The following AEN variants were observed in gnomAD, a reference collection of about 807,000 sequenced individuals.
The protein encoded by AEN is apoptosis-enhancing nuclease.
Under a neutral mutation model 17.7 loss-of-function variants are expected in AEN, and 21 were observed. That is an observed-to-expected ratio of 1.19 (90% CI 0.84 to 1.71). The LOEUF is 1.71. Ranked by LOEUF, AEN falls within the 40% of genes most tolerant of loss-of-function variation. The pLI, the probability that AEN is intolerant of heterozygous loss-of-function variation, is 0.00. For missense variants in AEN, 462 were observed against 435.9 expected (o/e 1.06, Z -0.53); for synonymous variants, 190 against 173.0 (o/e 1.10, Z -0.77).
chr15:88,623,142 G>A (rs1039380872), intron 1 of AEN, among the ~76,000 whole-genome samples: 6 of 152,182 alleles, frequency 3.9e-5, no homozygotes, highest in Non-Finnish European at 7.3e-5. Flanking sequence ...TTCTCCCATT[G>A]CTGGGCTGAG....
At chr15:88,626,079 A>C (rs1042129299) in intron 1 of AEN, 67 bp from the exon 2 acceptor site, 4 of 895,514 alleles carry the variant, frequency 4.5e-6, no homozygotes, top group Non-Finnish European at 4.4e-6. Context: ...GCAGGGAGGG[A>C]GGGAGGGTGG....
intron 1 of AEN, among the ~76,000 whole-genome samples, chr15:88,622,907 G>T (rs8023799): frequency 0.027 from 4,062 of 152,258 alleles, 113 homozygotes; most frequent in African/African-American, 0.067. Context: ...CAAGGTCAGG[G>T]TGTTTGGAAA....
At chr15:88,619,630 G>T (rs1354118363), upstream of AEN, among the ~76,000 whole-genome samples, 1 of 152,318 alleles carries the variant, frequency 6.6e-6, no homozygotes, top group Middle Eastern at 3.4e-3. Context: ...ACATGTTGCA[G>T]TGAGCCGAGA....
chr15:88,614,014 A>G, the AEN span, among the ~76,000 whole-genome samples: 1 of 152,248 alleles, frequency 6.6e-6, no homozygotes, highest in East Asian at 1.9e-4. Context: ...ATTTAATCCT[A>G]TTTAAATATG....
Position 88,629,291 on chromosome 15 carries a change from C to T in AEN, c.606C>T (p.Leu202=), listed in dbSNP as rs1399356680. The T allele has an allele frequency of 6.2e-7, 1 of 1,614,124 alleles. No homozygotes were observed. The change falls in exon 3 of 4, where the codon CTC becomes CTT. Residue 202 remains leucine, a synonymous_variant. Transcript: ENST00000332810. ...CGCTGCACAACGACTTCCAGGCGCT[C>T]AAGTATGTCCACCCTCGGAGCCAGA... ...GHALHNDFQA[L]KYVHPRSQTR...
rs1461717018 is a variant in AEN, at chr15:88,630,083, T to G, written c.767T>G (p.Val256Gly). The change falls in exon 4 of 4, where the codon GTA becomes GGA. Residue 256 changes from valine (V) to glycine (G), a missense_variant. Coordinates refer to ENST00000332810, the MANE Select transcript of AEN (RefSeq NM_022767.4). The surrounding 1 kb of genome is among the most constrained non-coding windows in gnomAD (Gnocchi z 5.1). ...GTGGGCCAGCACGGGCACTCATCAG[T>G]AGAAGATGCCACGACAGCCATGGAG... ...IQVGQHGHSS[V>G]EDATTAMELY... 1.2e-6 allele frequency: 2 copies of G among 1,613,962 alleles called. No individual in the cohort carries two copies. The highest frequency in any genetic ancestry group is 4.5e-5 in the East Asian group (2 of 44,870).
chr15:88,626,235 C>A lies in AEN; in HGVS notation c.26C>A (p.Ser9Tyr). Residue 9 changes from serine (S) to tyrosine (Y), a missense_variant, in exon 2 of 4, where the codon TCT (serine) becomes TAT (tyrosine). Ser to Tyr is a moderately radical substitution (Grantham distance 144). Coordinates refer to ENST00000332810, the MANE Select transcript of AEN (RefSeq NM_022767.4). The part of the protein sequence containing the change: MVPREAPE[S>Y]AQCLCPSLTI... ...ATGGTACCCCGGGAGGCCCCTGAGT[C>A]TGCTCAGTGCCTGTGCCCTTCCCTC... 1 of 1,601,676 alleles carries A rather than the reference C, an allele frequency of 6.2e-7. No individual in the cohort carries two copies. The highest frequency in any genetic ancestry group is 8.5e-7 in the Non-Finnish European group (1 of 1,172,312).
the AEN span, among the ~76,000 whole-genome samples, chr15:88,610,228 C>A: frequency 0.017 from 2,553 of 152,134 alleles, 69 homozygotes; most frequent in South Asian, 0.064. Flanking sequence ...CTAATGGTAC[C>A]CTCAGGTCCT....
At chr15:88,610,445 C>T in the AEN span, among the ~76,000 whole-genome samples, 1 of 151,974 alleles carries the variant, frequency 6.6e-6, no homozygotes, top group South Asian at 2.1e-4. Flanking sequence ...GCGGGGTAGA[C>T]TGAAGAGGGT....
intron 3 of AEN, 48 bp downstream of exon 3, chr15:88,629,474 C>G (rs764006761): frequency 1.3e-6 from 2 of 1,589,930 alleles, no homozygotes; most frequent in Non-Finnish European, 1.7e-6. Flanking sequence ...CGCCTGGCCT[C>G]CATGCCACCT....
In AEN at chr15:88,626,458, T is replaced by A; in HGVS notation, c.249T>A (p.Cys83Ter). 6.2e-7 allele frequency: 1 copy of A among 1,613,892 alleles called. No homozygotes were observed. Among genetic ancestry groups the A allele is most frequent in the Non-Finnish European group, 8.5e-7 (1 of 1,179,980 alleles). ...AAGCTGCCAGCAGTGGGAAGCAGTG[T>A]CTGAGGGCTGGATCTGGCAGTGCCC... is the stretch of plus-strand genomic sequence containing the variant. ...ATEAASSGKQ[C>*]LRAGSGSAPC... The change falls in exon 2 of 4, where the codon TGT becomes TGA. Residue 83 changes from cysteine to a stop codon, truncating the protein, a stop_gained. Transcript: ENST00000332810. LOFTEE classifies it high-confidence loss of function.
At chr15:88,614,364 C>T in the AEN span, among the ~76,000 whole-genome samples, 1 of 151,974 alleles carries the variant, frequency 6.6e-6, no homozygotes, top group Admixed American at 6.6e-5. Flanking sequence ...CACACCCTGG[C>T]TAATTACAGT....
intron 2 of AEN, 95 bp downstream of exon 2, chr15:88,626,844 A>T: frequency 7.2e-7 from 1 of 1,395,996 alleles, no homozygotes; most frequent in African/African-American, 1.4e-5. Flanking sequence ...TGGGGGCAAG[A>T]AACCTTGGGA....
At chr15:88,613,612 G>A in the AEN span, among the ~76,000 whole-genome samples, 1 of 151,636 alleles carries the variant, frequency 6.6e-6, no homozygotes, top group African/African-American at 2.4e-5. Flanking sequence ...GTGCATTCCT[G>A]ATTTGAGGGA....
intron 1 of AEN, among the ~76,000 whole-genome samples, chr15:88,622,486 G>C (rs997313023): frequency 6.6e-6 from 1 of 152,128 alleles, no homozygotes; most frequent in African/African-American, 2.4e-5. Context: ...CTCAAAATCC[G>C]AGCTTGTTGA....
At chr15:88,624,455 A>T (rs565574167) in intron 1 of AEN, among the ~76,000 whole-genome samples, 98 of 152,238 alleles carry the variant, frequency 6.4e-4, no homozygotes, top group Non-Finnish European at 8.4e-4. Context: ...AGCAGTGGTT[A>T]TTGAGCCCCT....
chr15:88,617,837 T>TG (rs1361420539), upstream of AEN, among the ~76,000 whole-genome samples: 1 of 48,456 alleles, frequency 2.1e-5, no homozygotes, highest in Non-Finnish European at 9.8e-5. Context: ...ATTGATCAGC[T>TG]GGAAAAAAAT....
chr15:88,619,761 G>C (rs4932362), upstream of AEN, among the ~76,000 whole-genome samples: 95,937 of 151,982 alleles, frequency 0.63, 34,807 homozygotes, highest in Non-Finnish European at 0.8. Flanking sequence ...CATGCCTGAA[G>C]ACCGCTGTCC....
At chr15:88,620,572 C>T (rs569700881), upstream of AEN, among the ~76,000 whole-genome samples, 9 of 79,946 alleles carry the variant, frequency 1.1e-4, no homozygotes, top group African/African-American at 4.5e-4. Context: ...CCGTCAACGC[C>T]CGGCTAATTT....
Sources: allele counts gnomAD v4.1 joint callset (sites outside exome capture counted in the v4.1 genomes callset), GRCh38; gene constraint gnomAD v4.1.1; non-coding constraint Gnocchi (gnomAD v3.1); transcripts MANE v1.5; gene names NCBI Gene and HGNC (gene_info 2026-07-23, HGNC 2026-07-21).